PATJ: variants seen among roughly 807,000 people sequenced by gnomAD.
PATJ encodes the protein inaD-like protein.
Under a neutral mutation model 224.9 loss-of-function variants are expected in PATJ, and 190 were observed. The ratio of observed to expected loss-of-function variants is 0.84; its 90% confidence interval spans 0.75 to 0.95. PATJ has a LOEUF of 0.95. PATJ is among the 40% of genes least tolerant of loss of function. The pLI is 0.00. For missense variants in PATJ, 2,121 were observed against 2,270.3 expected (o/e 0.93, Z 1.34); for synonymous variants, 769 against 820.3 (o/e 0.94, Z 1.07).
At chr1:61,998,105 A>T (rs1236315151) in intron 28 of PATJ, among the ~76,000 whole-genome samples, 4 of 142,956 alleles carry the variant, frequency 2.8e-5, no homozygotes, top group African/African-American at 1.0e-4. Context: ...TTTGAGAAAG[A>T]ATCTCACTCT....
intron 7 of PATJ, among the ~76,000 whole-genome samples, chr1:61,780,465 AAAAC>A (rs901006420): frequency 2.3e-4 from 35 of 152,266 alleles, no homozygotes; most frequent in African/African-American, 7.7e-4. Context: ...ACTCTTTCTC[AAAAC>A]AAACAAACAA....
At chr1:61,900,422 C>T (rs1460162934) in intron 23 of PATJ, among the ~76,000 whole-genome samples, 6 of 151,938 alleles carry the variant, frequency 3.9e-5, no homozygotes, top group Non-Finnish European at 8.8e-5. Context: ...GAAAACAAAA[C>T]CTTCTGGCCT....
At chr1:61,959,601 G>A (rs1680978622) in intron 27 of PATJ, among the ~76,000 whole-genome samples, 1 of 150,798 alleles carries the variant, frequency 6.6e-6, no homozygotes, top group African/African-American at 2.4e-5. Context: ...ACCATGCCTG[G>A]CTAATTTTTA....
chr1:61,775,150 C>A, intron 6 of PATJ, 56 bp from the exon 7 acceptor site: 1 of 1,518,712 alleles, frequency 6.6e-7, no homozygotes, highest in Non-Finnish European at 8.8e-7. Context: ...TATTGGAAAG[C>A]TAAGAACCTG....
At chr1:61,820,802 T>C (rs1313507121) in intron 14 of PATJ, among the ~76,000 whole-genome samples, 1 of 152,198 alleles carries the variant, frequency 6.6e-6, no homozygotes, top group Non-Finnish European at 1.5e-5. Flanking sequence ...GGCAACTCTT[T>C]GCCCTGTAGC....
intron 8 of PATJ, among the ~76,000 whole-genome samples, chr1:61,788,650 TTTTG>T (rs937318952): frequency 9.2e-5 from 14 of 151,912 alleles, no homozygotes; most frequent in African/African-American, 1.9e-4. Flanking sequence ...GAAATAAGTT[TTTTG>T]TTTGTTTGTT....
rs970463853 is a variant in PATJ at position 61,833,669 on chromosome 1, G to T, written c.1996G>T (p.Asp666Tyr). 6.2e-7 allele frequency: 1 copy of T among 1,611,978 alleles called. No homozygotes were observed. Among genetic ancestry groups the T allele is most frequent in the South Asian group, 1.1e-5 (1 of 90,686 alleles). Residue 666 changes from aspartate to tyrosine, a missense_variant, in exon 17 of 44, where the codon GAT becomes TAT. Physicochemically the swap from Asp to Tyr is radical, Grantham distance 160. Transcript: ENST00000642238. ...GGTATTTCAGGTTGACCACAATATG[G>T]ATGTCAATACTGAAGAAGATGATGA... ...LPETEVDHNMDVNTEEDDDGE... is the reference protein window; with the variant it reads ...LPETEVDHNMYVNTEEDDDGE...
At chr1:62,027,785 T>C (rs892655232) in intron 29 of PATJ, among the ~76,000 whole-genome samples, 1 of 152,132 alleles carries the variant, frequency 6.6e-6, no homozygotes, top group African/African-American at 2.4e-5. Context: ...GTGTTTTCTT[T>C]ATAGAAATGT....
intron 11 of PATJ, 85 bp from the exon 12 acceptor site, chr1:61,801,538 C>A: frequency 1.4e-6 from 1 of 711,058 alleles, no homozygotes; most frequent in Non-Finnish European, 2.1e-6. Flanking sequence ...GCAGTAAAAT[C>A]TGCTCACTTA....
intron 1 of PATJ, among the ~76,000 whole-genome samples, chr1:61,754,929 A>G (rs996831756): frequency 7.2e-5 from 11 of 152,028 alleles, no homozygotes; most frequent in African/African-American, 2.7e-4. Context: ...TAGACGGCCA[A>G]CCAATTTCTA....
At chr1:61,823,756 T>A (rs542143360) in intron 15 of PATJ, among the ~76,000 whole-genome samples, 1 of 152,320 alleles carries the variant, frequency 6.6e-6, no homozygotes, top group Admixed American at 6.5e-5. Context: ...TTTCTAAAAT[T>A]TATGTTTGCT....
chr1:62,088,138 G>A (rs749027181), intron 33 of PATJ, among the ~76,000 whole-genome samples: 11 of 152,058 alleles, frequency 7.2e-5, no homozygotes, highest in Non-Finnish European at 1.3e-4. Flanking sequence ...TGATCCGCCT[G>A]CCTCAGCCTC....
At chr1:61,788,036 G>C in intron 8 of PATJ, 64 bp downstream of exon 8, 1 of 1,329,950 alleles carries the variant, frequency 7.5e-7, no homozygotes, top group Non-Finnish European at 1.1e-6. Flanking sequence ...TGTAAGATAA[G>C]AAATTCTTTC....
chr1:61,878,372 G>A (rs998859944), intron 21 of PATJ, among the ~76,000 whole-genome samples: 1 of 152,096 alleles, frequency 6.6e-6, no homozygotes, highest in Non-Finnish European at 1.5e-5. Context: ...AGGTAACTGA[G>A]ACTTCCGTTA....
intron 14 of PATJ, among the ~76,000 whole-genome samples, chr1:61,812,407 TGAGAGA>T (rs769833245): frequency 5.4e-4 from 43 of 79,714 alleles, no homozygotes; most frequent in Non-Finnish European, 7.4e-4. Flanking sequence ...TGTGAGTGAC[TGAGAGA>T]GAGAGAGAGA....
At chr1:62,145,626 C>T (rs1667962039) in intron 41 of PATJ, among the ~76,000 whole-genome samples, 1 of 152,034 alleles carries the variant, frequency 6.6e-6, no homozygotes, top group African/African-American at 2.4e-5. Context: ...TACCACTGCA[C>T]TCCAGCCTGG....
At chr1:62,021,896 T>C (rs1430255696) in intron 29 of PATJ, among the ~76,000 whole-genome samples, 1 of 152,262 alleles carries the variant, frequency 6.6e-6, no homozygotes, top group Non-Finnish European at 1.5e-5. Context: ...TACTGTGTTA[T>C]AACGTTACTT....
At chr1:61,990,475 C>T (rs1284950835) in intron 28 of PATJ, 111 bp downstream of exon 28, 2 of 652,828 alleles carry the variant, frequency 3.1e-6, no homozygotes, top group South Asian at 3.8e-5. Context: ...ATATTTCCTT[C>T]AACTACTTAA....
At chr1:61,775,026 C>T (rs760725131) in intron 6 of PATJ, among the ~76,000 whole-genome samples, 180 bp from the exon 7 acceptor site, 4 of 152,194 alleles carry the variant, frequency 2.6e-5, no homozygotes, top group South Asian at 2.1e-4. Flanking sequence ...AAGATCCCTA[C>T]GGTCAGGGAC....
Sources: gnomAD v4.1 joint callset for allele counts (sites outside exome capture counted in the v4.1 genomes callset) on GRCh38, gnomAD v4.1.1 for gene constraint, MANE v1.5 for transcripts, NCBI Gene and HGNC (gene_info 2026-07-23, HGNC 2026-07-21) for gene names.